Variants in SLC39A9 observed in about 807,000 individuals in gnomAD.
SLC39A9 encodes solute carrier family 39 member 9.
A neutral mutation model predicts 28.4 loss-of-function variants in SLC39A9; 14 were observed. That is an observed-to-expected ratio of 0.49 (90% CI 0.33 to 0.77). SLC39A9 has a LOEUF of 0.77. Ranked by LOEUF, SLC39A9 falls within the 30% of genes least tolerant of loss-of-function variation. The pLI is 0.02. For synonymous variants in SLC39A9, 119 were observed against 149.6 expected (o/e 0.80, Z 1.49); for missense variants, 283 against 381.1 (o/e 0.74, Z 2.14).
Position 69,458,402 on chromosome 14 carries a change from G to A in SLC39A9, c.733G>A (p.Val245Met). ...CCTTTCAGAGGTGAACGCCACGGGA[G>A]TGGCCATGCTTTTCTCTGCCGGGAC... ...EALSEVNATGVAMLFSAGTFL... is the reference protein window; with the variant it reads ...EALSEVNATGMAMLFSAGTFL... The change falls in exon 7 of 7, where the codon GTG becomes ATG. Residue 245 changes from valine (V) to methionine (M), a missense_variant. By Grantham distance (21) the Val-to-Met change is conservative. Coordinates refer to ENST00000336643, the MANE Select transcript of SLC39A9 (RefSeq NM_018375.5). 6.2e-7 allele frequency: 1 copy of A among 1,614,252 alleles called. No homozygotes were observed. Among genetic ancestry groups the A allele is most frequent in the Non-Finnish European group, 8.5e-7 (1 of 1,180,038 alleles).
Position 69,438,112 on chromosome 14 carries a change from C to T in SLC39A9, c.206-3957C>T, listed in dbSNP as rs140660572. 1.8e-3 allele frequency among the ~76,000 whole-genome samples: 267 copies of T among 151,562 alleles called. 1 individual carries two copies. Among genetic ancestry groups the T allele is most frequent in the Non-Finnish European group, 2.3e-3 (158 of 67,918 alleles). On this transcript the variant is annotated intron_variant, in intron 2 of 6. Coordinates refer to ENST00000336643, the MANE Select transcript of SLC39A9 (RefSeq NM_018375.5). The stretch of plus-strand genomic sequence containing the variant: ...TCTCGGCTCACTGCAACCACCGCCT[C>T]CTGGGTTGAAGTGATTCTCCTGCCT...
At chr14:69,436,201 C>T (rs1884742832) in intron 2 of SLC39A9, among the ~76,000 whole-genome samples, 1 of 151,878 alleles carries the variant, frequency 6.6e-6, no homozygotes, top group Non-Finnish European at 1.5e-5. Context: ...TATAGGAGTT[C>T]CAGACCAGCC....
intron 2 of SLC39A9, among the ~76,000 whole-genome samples, chr14:69,424,904 A>C (rs187382358): frequency 6.6e-6 from 1 of 152,370 alleles, no homozygotes; most frequent in East Asian, 1.9e-4. Context: ...TGTTAAGAAT[A>C]GTATAAAGAG....
intron 1 of SLC39A9, among the ~76,000 whole-genome samples, chr14:69,421,582 T>C (rs943259886): frequency 1.3e-5 from 2 of 152,166 alleles, no homozygotes; most frequent in Non-Finnish European, 2.9e-5. Context: ...CTGCTGCCTT[T>C]TATTCAGCTA....
chr14:69,404,054 AAAAC>A (rs1196134465), intron 1 of SLC39A9, among the ~76,000 whole-genome samples: 12 of 152,164 alleles, frequency 7.9e-5, no homozygotes, highest in African/African-American at 1.4e-4. Context: ...AAAAAAACAA[AAAAC>A]AAACAAACAA....
chr14:69,451,444 A>G (rs1424308596), intron 3 of SLC39A9, among the ~76,000 whole-genome samples: 1 of 152,192 alleles, frequency 6.6e-6, no homozygotes, highest in Non-Finnish European at 1.5e-5. Context: ...TAATACACAT[A>G]AATGCTTTTT....
chr14:69,455,983 G>C, intron 6 of SLC39A9, 117 bp downstream of exon 6: 1 of 1,222,132 alleles, frequency 8.2e-7, no homozygotes, highest in South Asian at 1.5e-5. Context: ...ATAAAATTAG[G>C]AGTAAAAACT....
At chr14:69,428,724 G>T (rs1221055325) in intron 2 of SLC39A9, 3 of 152,476 alleles carry the variant, frequency 2.0e-5, no homozygotes, top group African/African-American at 7.2e-5. Flanking sequence ...CACATTCAAA[G>T]CAATGGCTAC....
At chr14:69,419,484 T>A (rs886072680) in intron 1 of SLC39A9, among the ~76,000 whole-genome samples, 4 of 152,182 alleles carry the variant, frequency 2.6e-5, no homozygotes, top group Non-Finnish European at 5.9e-5. Context: ...TCTGTTGATT[T>A]GGGGTGGAGA....
chr14:69,441,814 T>C, intron 2 of SLC39A9: 2 of 1,183,670 alleles, frequency 1.7e-6, no homozygotes, highest in Non-Finnish European at 2.1e-6. Context: ...TGCATGGTGA[T>C]TTGCTTCCAC....
At chr14:69,406,873 T>C (rs12882592) in intron 1 of SLC39A9, among the ~76,000 whole-genome samples, 1 of 107,490 alleles carries the variant, frequency 9.3e-6, no homozygotes, top group Admixed American at 1.0e-4. Flanking sequence ...TTTTTTGAGA[T>C]GGAGTCTTGC....
In SLC39A9 at chr14:69,422,977, A is replaced by G. The variant is rs540608673; in HGVS notation, c.97-1117A>G. Among the ~76,000 whole-genome samples the G allele has an allele frequency of 2.6e-5, 4 of 152,358 alleles. No individual in the cohort carries two copies. In the East Asian group the frequency reaches 7.7e-4, roughly 29 times the overall value. On this transcript the variant is annotated intron_variant, in intron 1 of 6. Transcript: ENST00000336643. The stretch of plus-strand genomic sequence containing the variant: ...CCTCAAACTTGGCTAAAAAGAAGAC[A>G]ATTAGGATTAAGTTGGATTAAAACC...
intron 1 of SLC39A9, among the ~76,000 whole-genome samples, chr14:69,419,436 T>C (rs936472707): frequency 2.0e-5 from 3 of 152,214 alleles, no homozygotes; most frequent in African/African-American, 7.2e-5. Context: ...TGGTCAATTT[T>C]GGGATAAGTG....
At chr14:69,450,855 ATTC>A (rs1195093312) in intron 3 of SLC39A9, among the ~76,000 whole-genome samples, 1 of 152,160 alleles carries the variant, frequency 6.6e-6, no homozygotes, top group Non-Finnish European at 1.5e-5. Context: ...GTGTTCCATT[ATTC>A]TTCTTCCTGT....
In SLC39A9 at chr14:69,432,570, G is replaced by A. The variant is rs139188146; in HGVS notation, c.205+8368G>A. Among the ~76,000 whole-genome samples the A allele has an allele frequency of 6.0e-3, 914 of 152,018 alleles. 5 individuals carry two copies. The highest frequency in any genetic ancestry group is 0.021 in the African/African-American group (875 of 41,482). On this transcript the variant is annotated intron_variant, in intron 2 of 6. Coordinates refer to ENST00000336643, the MANE Select transcript of SLC39A9 (RefSeq NM_018375.5). Reference sequence around the variant, plus strand: ...TTAGTTTTATTAGGTCCTACTTGTCGGTTTTTGTTTTTGTTGCAATTGCTT... The same window carrying A: ...TTAGTTTTATTAGGTCCTACTTGTCAGTTTTTGTTTTTGTTGCAATTGCTT...
At chr14:69,416,072 C>T (rs920753336) in intron 1 of SLC39A9, among the ~76,000 whole-genome samples, 1 of 151,892 alleles carries the variant, frequency 6.6e-6, no homozygotes, top group Non-Finnish European at 1.5e-5. Context: ...CCTCCCCCAG[C>T]CCCCACCCCA....
At chr14:69,456,861 A>G (rs1376982692) in intron 6 of SLC39A9, among the ~76,000 whole-genome samples, 2 of 152,232 alleles carry the variant, frequency 1.3e-5, no homozygotes, top group Non-Finnish European at 2.9e-5. Context: ...GTTCCTGTTA[A>G]GCAAGGGTTT....
chr14:69,404,980 G>T (rs1268516886), intron 1 of SLC39A9, among the ~76,000 whole-genome samples: 1 of 152,148 alleles, frequency 6.6e-6, no homozygotes, highest in African/African-American at 2.4e-5. Flanking sequence ...TACAATCATG[G>T]CAGAAGAGGA....
At chr14:69,438,108 G>A (rs1884868463) in intron 2 of SLC39A9, among the ~76,000 whole-genome samples, 1 of 147,894 alleles carries the variant, frequency 6.8e-6, no homozygotes, top group African/African-American at 2.5e-5. Flanking sequence ...TGCAACCACC[G>A]CCTCCTGGGT....
Sources: gnomAD v4.1 joint callset for allele counts (sites outside exome capture counted in the v4.1 genomes callset) on GRCh38, gnomAD v4.1.1 for gene constraint, MANE v1.5 for transcripts, NCBI Gene and HGNC (gene_info 2026-07-23, HGNC 2026-07-21) for gene names.